CCDC85A: variants seen among roughly 807,000 people sequenced by gnomAD.
CCDC85A encodes the protein coiled-coil domain containing 85A.
CCDC85A carries 38 observed loss-of-function variants against 50.2 expected under a neutral mutation model. That is an observed-to-expected ratio of 0.76 (90% CI 0.58 to 0.99). The LOEUF (loss-of-function observed/expected upper bound fraction) is 0.99, where lower values mean the gene tolerates loss of function less well. Ranked by LOEUF, CCDC85A falls within the 50% of genes least tolerant of loss-of-function variation. The probability of loss-of-function intolerance (pLI) is 0.00; values close to 1 mark genes in which losing one functional copy is unlikely to be tolerated. For missense variants in CCDC85A, 820 were observed against 742.0 expected (o/e 1.11, Z -1.22); for synonymous variants, 366 against 301.4 (o/e 1.21, Z -2.22).
chr2:56,217,712 G>C (rs1668138967), intron 2 of CCDC85A, among the ~76,000 whole-genome samples: 1 of 151,696 alleles, frequency 6.6e-6, no homozygotes, highest in South Asian at 2.1e-4. Flanking sequence ...AAAGCAAAGT[G>C]CCCAAAATGT....
At chr2:56,270,597 C>G (rs1234428852) in intron 2 of CCDC85A, among the ~76,000 whole-genome samples, 3 of 152,166 alleles carry the variant, frequency 2.0e-5, no homozygotes, top group Non-Finnish European at 4.4e-5. Flanking sequence ...CTAGAGGAGT[C>G]ATTTTTGTAG....
At chr2:56,293,988 A>C (rs527728650) in intron 2 of CCDC85A, among the ~76,000 whole-genome samples, 3 of 152,236 alleles carry the variant, frequency 2.0e-5, no homozygotes, top group African/African-American at 7.2e-5. Flanking sequence ...TCATTCTGCT[A>C]TAAAGATACA....
intron 2 of CCDC85A, among the ~76,000 whole-genome samples, chr2:56,323,227 G>A (rs1673299680): frequency 6.6e-6 from 1 of 152,070 alleles, no homozygotes; most frequent in African/African-American, 2.4e-5. Flanking sequence ...ACACCAACAT[G>A]GCGCATGTAT....
rs531624969 is a variant in CCDC85A at position 56,184,754 on chromosome 2, C to A, written c.130C>A (p.Leu44Met). The A allele has an allele frequency of 3.2e-6, 5 of 1,544,756 alleles. No individual in the cohort carries two copies. In the Admixed American group the frequency reaches 7.9e-5, roughly 24 times the overall value. The part of the protein sequence containing the change: ...EDLSKVSDEE[L>M]LQWSKEELIR... The stretch of plus-strand genomic sequence containing the variant: ...CCTGTCCAAAGTGTCGGACGAGGAG[C>A]TGCTGCAGTGGAGCAAGGAGGAGCT... The change falls in exon 1 of 6, where the codon CTG becomes ATG. Residue 44 changes from leucine (L) to methionine (M), a missense_variant. Transcript: ENST00000407595.
intron 3 of CCDC85A, among the ~76,000 whole-genome samples, chr2:56,352,971 G>C (rs1675033288): frequency 6.6e-6 from 1 of 152,134 alleles, no homozygotes; most frequent in South Asian, 2.1e-4. Context: ...TTTATCCAGA[G>C]AGTTTGTGTT....
At chr2:56,370,332 T>C (rs538376387) in intron 3 of CCDC85A, among the ~76,000 whole-genome samples, 27 of 152,238 alleles carry the variant, frequency 1.8e-4, no homozygotes, top group African/African-American at 6.5e-4. Flanking sequence ...AGTGTATAAA[T>C]ACCATTTTGA....
chr2:56,302,062 C>T (rs191061160), intron 2 of CCDC85A, among the ~76,000 whole-genome samples: 292 of 152,042 alleles, frequency 1.9e-3, no homozygotes, highest in Non-Finnish European at 2.5e-3. Context: ...TGGAGACCAG[C>T]CTGGCCAACA....
At chr2:56,258,503 CAG>C (rs1454908855) in intron 2 of CCDC85A, among the ~76,000 whole-genome samples, 1 of 152,158 alleles carries the variant, frequency 6.6e-6, no homozygotes, top group Non-Finnish European at 1.5e-5. Context: ...TCCTTCTCCA[CAG>C]AGAGTTATGG....
intron 2 of CCDC85A, among the ~76,000 whole-genome samples, chr2:56,328,010 G>T (rs1002681271): frequency 6.6e-6 from 1 of 151,900 alleles, no homozygotes; most frequent in African/African-American, 2.4e-5. Context: ...TGCTTTATCC[G>T]ATGAGGAAAC....
intron 2 of CCDC85A, among the ~76,000 whole-genome samples, chr2:56,199,001 A>C (rs185329636): frequency 1.3e-5 from 2 of 152,356 alleles, no homozygotes; most frequent in African/African-American, 4.8e-5. Context: ...CTTTAGACTC[A>C]GTTGAAACCA....
chr2:56,329,945 G>GTTTTTTTTTTTTTTTTTTTTTTT lies in CCDC85A; in HGVS notation c.1241-12920_1241-12898dup, dbSNP rs535050957. Among the ~76,000 whole-genome samples, 6 of 44,118 alleles carry GTTTTTTTTTTTTTTTTTTTTTTT rather than the reference G, an allele frequency of 1.4e-4. 2 individuals are homozygous for GTTTTTTTTTTTTTTTTTTTTTTT. The highest frequency in any genetic ancestry group is 1.9e-4 in the Non-Finnish European group (4 of 20,878). The allele number at this position is 44,118 out of a possible 152,430, so 28.9% of individuals were successfully genotyped here. On this transcript the variant is annotated intron_variant, in intron 2 of 5. Transcript: ENST00000407595. ...AAAATTTGTTTTTTACAGATTTCCT[G>GTTTTTTTTTTTTTTTTTTTTTTT]TTTTTTTTTTTTTTTTTTTTTTTTT... is the stretch of plus-strand genomic sequence containing the variant.
intron 3 of CCDC85A, among the ~76,000 whole-genome samples, chr2:56,348,493 GAA>G (rs1419808313): frequency 6.6e-6 from 1 of 152,220 alleles, no homozygotes; most frequent in Non-Finnish European, 1.5e-5. Flanking sequence ...AAATGGAAAT[GAA>G]AAGTCTCCCT....
At chr2:56,296,355 C>G (rs1231287350) in intron 2 of CCDC85A, among the ~76,000 whole-genome samples, 1 of 152,102 alleles carries the variant, frequency 6.6e-6, no homozygotes, top group Admixed American at 6.6e-5. Context: ...TATAACATAC[C>G]TACTGAAAAG....
At chr2:56,313,621 T>C (rs1013328038) in intron 2 of CCDC85A, among the ~76,000 whole-genome samples, 1 of 152,164 alleles carries the variant, frequency 6.6e-6, no homozygotes, top group African/African-American at 2.4e-5. Flanking sequence ...CGTTTACTGC[T>C]CTAATAAATC....
intron 2 of CCDC85A, among the ~76,000 whole-genome samples, chr2:56,305,706 T>C (rs1388149973): frequency 6.6e-6 from 1 of 152,252 alleles, no homozygotes; most frequent in Admixed American, 6.5e-5. Context: ...CTGATTAAAG[T>C]CATGGTCTTG....
At chr2:56,248,499 T>G (rs946159309) in intron 2 of CCDC85A, among the ~76,000 whole-genome samples, 1 of 152,124 alleles carries the variant, frequency 6.6e-6, no homozygotes, top group South Asian at 2.1e-4. Context: ...TCCGGAGGCC[T>G]CAGTTTCCAC....
At chr2:56,359,464 T>TA (rs1202507984) in intron 3 of CCDC85A, among the ~76,000 whole-genome samples, 1 of 152,200 alleles carries the variant, frequency 6.6e-6, no homozygotes, top group Non-Finnish European at 1.5e-5. Flanking sequence ...TTGATTATAT[T>TA]ACTTTTGTTT....
At chr2:56,205,623 A>G (rs1315913989) in intron 2 of CCDC85A, among the ~76,000 whole-genome samples, 1 of 152,224 alleles carries the variant, frequency 6.6e-6, no homozygotes, top group Non-Finnish European at 1.5e-5. Flanking sequence ...TGAACTGATA[A>G]GACTCATGGA....
At chr2:56,224,616 T>C (rs1430637893) in intron 2 of CCDC85A, among the ~76,000 whole-genome samples, 1 of 152,180 alleles carries the variant, frequency 6.6e-6, no homozygotes, top group Non-Finnish European at 1.5e-5. Context: ...TTGCCAATAG[T>C]TGCTATTGTT....
Sources: allele counts gnomAD v4.1 joint callset (sites outside exome capture counted in the v4.1 genomes callset), GRCh38; gene constraint gnomAD v4.1.1; transcripts MANE v1.5; gene names NCBI Gene and HGNC (gene_info 2026-07-23, HGNC 2026-07-21).